The following GALNTL6 variants were observed in gnomAD, a reference collection of about 807,000 sequenced individuals.
GALNTL6 encodes the protein polypeptide N-acetylgalactosaminyltransferase-like 6.
Under a neutral mutation model 73.7 loss-of-function variants are expected in GALNTL6, and 46 were observed. That is an observed-to-expected ratio of 0.62 (90% CI 0.49 to 0.80). The LOEUF is 0.80. Ranked by LOEUF, GALNTL6 falls within the 30% of genes least tolerant of loss-of-function variation. The pLI is 0.00. For synonymous variants in GALNTL6, 259 were observed against 263.7 expected, an observed-to-expected ratio of 0.98 and a Z score of 0.17; for missense variants, 604 against 755.0, an observed-to-expected ratio of 0.80 and a Z score of 2.34.
At chr4:172,026,051 T>G (rs1006599694) in intron 2 of GALNTL6, among the ~76,000 whole-genome samples, 2 of 152,044 alleles carry the variant, frequency 1.3e-5, no homozygotes, top group Non-Finnish European at 2.9e-5. Context: ...ACAGACAATT[T>G]GATCCCTTGG....
At chr4:173,005,991 C>T (rs1752261738) in intron 10 of GALNTL6, among the ~76,000 whole-genome samples, 1 of 152,170 alleles carries the variant, frequency 6.6e-6, no homozygotes, top group Non-Finnish European at 1.5e-5. Flanking sequence ...CAAAACAAGG[C>T]ACTCCAATAG....
intron 2 of GALNTL6, among the ~76,000 whole-genome samples, chr4:172,140,359 A>G (rs900038083): frequency 2.0e-5 from 3 of 152,226 alleles, no homozygotes; most frequent in African/African-American, 7.2e-5. Context: ...GAAATTTAGT[A>G]TACTATTAAA....
At chr4:172,128,810 G>T (rs1236343513) in intron 2 of GALNTL6, among the ~76,000 whole-genome samples, 1 of 152,118 alleles carries the variant, frequency 6.6e-6, no homozygotes, top group African/African-American at 2.4e-5. Flanking sequence ...TCAATGCAGG[G>T]CAGGATGCTT....
At chr4:171,975,978 ATTG>A (rs2111072114) in intron 2 of GALNTL6, among the ~76,000 whole-genome samples, 1 of 152,198 alleles carries the variant, frequency 6.6e-6, no homozygotes, top group Admixed American at 6.5e-5. Context: ...GCTGGAGTGC[ATTG>A]GTGCAACCTC....
At chr4:171,870,617 C>A (rs969520461) in intron 2 of GALNTL6, among the ~76,000 whole-genome samples, 2 of 151,998 alleles carry the variant, frequency 1.3e-5, no homozygotes, top group African/African-American at 2.4e-5. Context: ...AATTCCTAAC[C>A]CTGGTGCCTC....
chr4:172,246,296 A>G (rs903252924), intron 3 of GALNTL6, among the ~76,000 whole-genome samples: 1 of 152,116 alleles, frequency 6.6e-6, no homozygotes, highest in Non-Finnish European at 1.5e-5. Context: ...TTTAATAGAC[A>G]TTTACCTAGA....
intron 5 of GALNTL6, among the ~76,000 whole-genome samples, chr4:172,775,406 T>C (rs1169218860): frequency 6.6e-6 from 1 of 152,232 alleles, no homozygotes; most frequent in African/African-American, 2.4e-5. Flanking sequence ...AGCTTCCTCT[T>C]TGCTGAAAGT....
At chr4:172,616,792 C>T (rs555178123) in intron 5 of GALNTL6, among the ~76,000 whole-genome samples, 16 of 152,222 alleles carry the variant, frequency 1.1e-4, no homozygotes, top group African/African-American at 3.6e-4. Context: ...GAAAACCAGG[C>T]ACCACGTCCC....
chr4:172,091,917 G>C (rs1732216844), intron 2 of GALNTL6, among the ~76,000 whole-genome samples: 1 of 152,124 alleles, frequency 6.6e-6, no homozygotes, highest in South Asian at 2.1e-4. Context: ...CATCAGTTTA[G>C]TTCCATTTCA....
chr4:172,209,812 A>G (rs1429160178), intron 2 of GALNTL6, among the ~76,000 whole-genome samples: 1 of 152,072 alleles, frequency 6.6e-6, no homozygotes, highest in African/African-American at 2.4e-5. Flanking sequence ...ATTTTGCTGA[A>G]TAGATTTCTA....
chr4:172,697,183 A>G (rs763186978), intron 5 of GALNTL6, among the ~76,000 whole-genome samples: 11 of 152,214 alleles, frequency 7.2e-5, no homozygotes, highest in Non-Finnish European at 1.3e-4. Context: ...TAAAAATAAG[A>G]TATCCTTAGC....
At chr4:171,956,011 T>TGG (rs200800766) in intron 2 of GALNTL6, among the ~76,000 whole-genome samples, 32,021 of 151,538 alleles carry the variant, frequency 0.21, 3,793 homozygotes, top group Middle Eastern at 0.31. Context: ...TGTGTGTGTG[T>TGG]GTGGGACAGG....
intron 5 of GALNTL6, among the ~76,000 whole-genome samples, chr4:172,768,203 C>T (rs1295812368): frequency 6.6e-6 from 1 of 152,052 alleles, no homozygotes; most frequent in Non-Finnish European, 1.5e-5. Flanking sequence ...CAGTGCTACC[C>T]TTGGAGGTAT....
At chr4:172,785,534 G>C (rs1298970875) in intron 5 of GALNTL6, among the ~76,000 whole-genome samples, 1 of 151,864 alleles carries the variant, frequency 6.6e-6, no homozygotes, top group South Asian at 2.1e-4. Context: ...CCAGGTACTC[G>C]AGTTATAGCA....
At chr4:172,283,698 A>G (rs1739143004) in intron 3 of GALNTL6, among the ~76,000 whole-genome samples, 1 of 152,146 alleles carries the variant, frequency 6.6e-6, no homozygotes, top group African/African-American at 2.4e-5. Context: ...AAGAGGACAG[A>G]CTGAATATAA....
chr4:172,133,861 A>G (rs1733566380), intron 2 of GALNTL6, among the ~76,000 whole-genome samples: 2 of 152,238 alleles, frequency 1.3e-5, no homozygotes, highest in South Asian at 4.1e-4. Flanking sequence ...AAAGTCTCAA[A>G]GATCACATGA....
intron 9 of GALNTL6, among the ~76,000 whole-genome samples, chr4:172,933,318 G>A (rs563611406): frequency 1.3e-5 from 2 of 152,170 alleles, no homozygotes; most frequent in Admixed American, 6.5e-5. Context: ...AAAGTAGAGT[G>A]TAAAAGCTTG....
At chr4:171,944,912 TTTTA>T (rs1199096597) in intron 2 of GALNTL6, among the ~76,000 whole-genome samples, 6 of 151,952 alleles carry the variant, frequency 3.9e-5, no homozygotes, top group Non-Finnish European at 5.9e-5. Context: ...TTTTATAATA[TTTTA>T]TTTATTTATT....
intron 5 of GALNTL6, among the ~76,000 whole-genome samples, chr4:172,640,317 G>A (rs1739913653): frequency 6.6e-6 from 1 of 152,032 alleles, no homozygotes. Context: ...TTGACCGGAT[G>A]TTCTGCCTCC....
Sources: gnomAD v4.1 joint callset for allele counts (sites outside exome capture counted in the v4.1 genomes callset) on GRCh38, gnomAD v4.1.1 for gene constraint, MANE v1.5 for transcripts, NCBI Gene and HGNC (gene_info 2026-07-23, HGNC 2026-07-21) for gene names.